Variants in SEC61A2 observed in about 807,000 individuals in gnomAD.
SEC61A2 encodes the protein SEC61 translocon subunit alpha 2, also known as protein transport protein Sec61 subunit alpha isoform 2.
In SEC61A2, 28 loss-of-function variants were observed where a neutral mutation model predicts 59.9. That is an observed-to-expected ratio of 0.47 (90% CI 0.35 to 0.64). SEC61A2 has a LOEUF of 0.64. SEC61A2 is among the 30% of genes least tolerant of loss of function. SEC61A2 has a pLI of 0.01. For synonymous variants in SEC61A2, 202 were observed against 214.4 expected (o/e 0.94, Z 0.50); for missense variants, 340 against 585.9 (o/e 0.58, Z 4.33).
rs1421088327 is a variant in SEC61A2, at chr10:12,160,230, T to C, written c.976-700T>C. ...GAATGAGAGAATGATTGGGAGATAG[T>C]GCTTTTGATCTGGGATTAATGATTC... On this transcript the variant is annotated intron_variant, in intron 9 of 11. Coordinates refer to ENST00000298428, the MANE Select transcript of SEC61A2 (RefSeq NM_018144.4). This position sits in a 1 kb window ranked among gnomAD's most constrained non-coding sequence, Gnocchi z 4.1. 1.3e-5 allele frequency among the ~76,000 whole-genome samples: 2 copies of C among 152,226 alleles called. No homozygotes were observed. The highest frequency in any genetic ancestry group is 2.9e-5 in the Non-Finnish European group (2 of 68,028).
chr10:12,169,522 G>A, downstream of SEC61A2: 1 of 504,866 alleles, frequency 2.0e-6, no homozygotes, highest in Non-Finnish European at 3.5e-6. The surrounding 1 kb of genome is among the most constrained non-coding windows in gnomAD (Gnocchi z 4.8). Context: ...GAGCTGCGCT[G>A]CCTCGTATTG....
chr10:12,157,988 C>T lies in SEC61A2; in HGVS notation c.858C>T (p.Thr286=). 3 of 1,614,140 alleles carry T rather than the reference C, an allele frequency of 1.9e-6. No homozygotes were observed. In the South Asian group the frequency reaches 3.3e-5, roughly 18 times the overall value. Residue 286 remains threonine (T), a synonymous_variant, in exon 9 of 12, where the codon ACC becomes ACT. Coordinates refer to ENST00000298428, the MANE Select transcript of SEC61A2 (RefSeq NM_018144.4). ...GCTACCCCATCAAACTCTTCTACAC[C>T]TCCAACATCCCCATCATCCTCCAGT... ...YSSYPIKLFY[T]SNIPIILQSA...
chr10:12,168,686 T>C (rs1193067405), downstream of SEC61A2, among the ~76,000 whole-genome samples: 3 of 152,194 alleles, frequency 2.0e-5, no homozygotes, highest in African/African-American at 7.2e-5. This position sits in a 1 kb window ranked among gnomAD's most constrained non-coding sequence, Gnocchi z 4.8. Flanking sequence ...GCAGGAAGCA[T>C]GTCCTACTCA....
chr10:12,146,262 C>T (rs1419162647), intron 4 of SEC61A2, among the ~76,000 whole-genome samples: 1 of 152,190 alleles, frequency 6.6e-6, no homozygotes, highest in Admixed American at 6.5e-5. Context: ...AGGTGATCCA[C>T]CCACCTTGGC....
chr10:12,135,083 G>T (rs1030600091), intron 2 of SEC61A2, among the ~76,000 whole-genome samples: 1 of 144,530 alleles, frequency 6.9e-6, no homozygotes, highest in Non-Finnish European at 1.5e-5. Flanking sequence ...GTTCTCACTC[G>T]TAAATGGGAG....
downstream of SEC61A2, chr10:12,169,796 C>T (rs1251198021): frequency 7.1e-6 from 2 of 279,962 alleles, no homozygotes; most frequent in African/African-American, 2.2e-5. This position sits in a 1 kb window ranked among gnomAD's most constrained non-coding sequence, Gnocchi z 4.8. Context: ...TTCACTGAAA[C>T]CGTAAGCTGC....
Position 12,159,000 on chromosome 10 carries a change from C to CG in SEC61A2, c.975+897dup, listed in dbSNP as rs1202347970. On this transcript the variant is annotated intron_variant, in intron 9 of 11. Coordinates refer to ENST00000298428, the MANE Select transcript of SEC61A2 (RefSeq NM_018144.4). This position sits in a 1 kb window ranked among gnomAD's most constrained non-coding sequence, Gnocchi z 5.7. Reference sequence around the variant, plus strand: ...TTTTTTCTTTTTTTTTTTTTTGAGACGGAGTCTCGCTGTGTCGCCCAGGCT... The same window carrying CG: ...TTTTTTCTTTTTTTTTTTTTTGAGACGGGAGTCTCGCTGTGTCGCCCAGGCT... Among the ~76,000 whole-genome samples, 1 of 145,824 alleles carries CG rather than the reference C, an allele frequency of 6.9e-6. No individual in the cohort carries two copies. Among genetic ancestry groups the CG allele is most frequent in the Non-Finnish European group, 1.5e-5 (1 of 67,000 alleles).
At position 12,143,477 on chromosome 10, in the gene SEC61A2, G is replaced by A. The variant is rs1834069268; in HGVS notation, c.220+282G>A. Among the ~76,000 whole-genome samples the A allele has an allele frequency of 6.6e-6, 1 of 152,158 alleles. No homozygotes were observed. Among genetic ancestry groups the A allele is most frequent in the Non-Finnish European group, 1.5e-5 (1 of 68,018 alleles). On this transcript the variant is annotated intron_variant, in intron 4 of 11. Coordinates refer to ENST00000298428, the MANE Select transcript of SEC61A2 (RefSeq NM_018144.4). The surrounding 1 kb of genome is among the most constrained non-coding windows in gnomAD (Gnocchi z 4.8). Reference sequence around the variant, plus strand: ...AGGTGGGGCGCCGTGGCTCACCCCTGTAATCCCAGCACTTTGGGAGGCCAA... The same window carrying A: ...AGGTGGGGCGCCGTGGCTCACCCCTATAATCCCAGCACTTTGGGAGGCCAA...
downstream of SEC61A2, chr10:12,165,459 C>CTGAGAT: frequency 3.0e-6 from 2 of 658,452 alleles, no homozygotes; most frequent in Non-Finnish European, 3.8e-6. Context: ...GAAGTCCACC[C>CTGAGAT]TGAGATGCCT....
Position 12,155,379 on chromosome 10 carries a change from T to C in SEC61A2, c.463-399T>C. The C allele has an allele frequency of 6.5e-7, 1 of 1,547,764 alleles. No homozygotes were observed. Among genetic ancestry groups the C allele is most frequent in the Non-Finnish European group, 8.7e-7 (1 of 1,148,460 alleles). On this transcript the variant is annotated intron_variant, in intron 6 of 11. Transcript: ENST00000298428. This position sits in a 1 kb window ranked among gnomAD's most constrained non-coding sequence, Gnocchi z 4.3. ...TTTCCATCTTGCTATTATACCAGAA[T>C]TCATCTGACTTTTTACTTCCTTGGA...
chr10:12,146,526 TA>T (rs1588636568), intron 4 of SEC61A2, among the ~76,000 whole-genome samples: 1 of 152,090 alleles, frequency 6.6e-6, no homozygotes, highest in African/African-American at 2.4e-5. Flanking sequence ...TTTTTTGTTT[TA>T]TTTTTTTTGA....
At chr10:12,167,624 A>G, downstream of SEC61A2, 3 of 1,374,796 alleles carry the variant, frequency 2.2e-6, no homozygotes, top group Non-Finnish European at 3.1e-6. Context: ...ATCTACATTA[A>G]ACTAAGTTGA....
chr10:12,136,149 C>T lies in SEC61A2; in HGVS notation c.120C>T (p.Phe40=). 1 of 1,597,496 alleles carries T rather than the reference C, an allele frequency of 6.3e-7. No homozygotes were observed. The change falls in exon 3 of 12, where the codon TTC becomes TTT. Residue 40 remains phenylalanine, a synonymous_variant. Coordinates refer to ENST00000298428, the MANE Select transcript of SEC61A2 (RefSeq NM_018144.4). ...EKVLWTAITL[F]IFLVCCQIPL... is the part of the protein sequence containing the mutation. ...TTCTGTGGACTGCTATAACGCTCTT[C>T]ATTTTCTTAGTGTGTTGTCAGGTAT...
intron 1 of SEC61A2, among the ~76,000 whole-genome samples, chr10:12,131,549 A>C (rs1433408642): frequency 6.6e-6 from 1 of 151,986 alleles, no homozygotes; most frequent in African/African-American, 2.4e-5. Context: ...CTGGGAAAAC[A>C]ATACTTTCTG....
At position 12,143,013 on chromosome 10, in the gene SEC61A2, C is replaced by T. The variant is rs1231561667; in HGVS notation, c.142-104C>T. On this transcript the variant is annotated intron_variant, in intron 3 of 11. Transcript: ENST00000298428. This position sits in a 1 kb window ranked among gnomAD's most constrained non-coding sequence, Gnocchi z 4.8. Reference sequence around the variant, plus strand: ...TGTCACCCAGGCTGGAGTGCAGTGGCGTGATCTCAGCTCACTGCAGCCTTT... The same window carrying T: ...TGTCACCCAGGCTGGAGTGCAGTGGTGTGATCTCAGCTCACTGCAGCCTTT... 13 of 806,428 alleles carry T rather than the reference C, an allele frequency of 1.6e-5. No individual in the cohort carries two copies. Among genetic ancestry groups the T allele is most frequent in the South Asian group, 8.6e-5 (6 of 70,156 alleles). The allele number at this position is 806,428 out of a possible 1,614,324, so 50.0% of individuals were successfully genotyped here. A position where few individuals can be genotyped will look rare whatever the true frequency, so the allele number is the denominator to read the frequency against.
intron 9 of SEC61A2, among the ~76,000 whole-genome samples, chr10:12,159,837 C>CTT (rs34652195): frequency 3.4e-4 from 51 of 150,670 alleles, no homozygotes; most frequent in East Asian, 2.1e-3. Context: ...TCTTAATATG[C>CTT]TTTTTTTTTG....
intron 8 of SEC61A2, among the ~76,000 whole-genome samples, chr10:12,157,482 C>T (rs1431643033): frequency 1.3e-5 from 2 of 149,022 alleles, no homozygotes; most frequent in African/African-American, 2.5e-5. Flanking sequence ...ATGACAGGCA[C>T]GTGCCACCAC....
chr10:12,164,816 G>T lies in SEC61A2; in HGVS notation c.*362G>T. The T allele has an allele frequency of 9.9e-7, 1 of 1,014,384 alleles. No homozygotes were observed. The highest frequency in any genetic ancestry group is 1.2e-6 in the Non-Finnish European group (1 of 848,970). The allele number at this position is 1,014,384 out of a possible 1,614,324, so 62.8% of individuals were successfully genotyped here. ...CCCCACTTGTTGAAAAATAAATGTA[G>T]TTCAAATTGCCACTTTCCAGTATTT... On this transcript the variant is annotated 3_prime_UTR_variant, in exon 12 of 12. Transcript: ENST00000298428. This position sits in a 1 kb window ranked among gnomAD's most constrained non-coding sequence, Gnocchi z 7.3.
Position 12,160,428 on chromosome 10 carries a change from A to G in SEC61A2, c.976-502A>G, listed in dbSNP as rs1308896707. 6.6e-6 allele frequency among the ~76,000 whole-genome samples: 1 copy of G among 152,210 alleles called. No individual in the cohort carries two copies. The highest frequency in any genetic ancestry group is 1.5e-5 in the Non-Finnish European group (1 of 68,044). On this transcript the variant is annotated intron_variant, in intron 9 of 11. Transcript: ENST00000298428. This position sits in a 1 kb window ranked among gnomAD's most constrained non-coding sequence, Gnocchi z 4.1. Reference sequence around the variant, plus strand: ...GTAAGATTTAAGTATATAGATAAAAATCCAATTATTATATTTATTAAAAGA... The same window carrying G: ...GTAAGATTTAAGTATATAGATAAAAGTCCAATTATTATATTTATTAAAAGA...
Sources: allele counts gnomAD v4.1 joint callset (sites outside exome capture counted in the v4.1 genomes callset), GRCh38; gene constraint gnomAD v4.1.1; non-coding constraint Gnocchi (gnomAD v3.1); transcripts MANE v1.5; gene names NCBI Gene and HGNC (gene_info 2026-07-23, HGNC 2026-07-21).